Variants in RANBP2 observed in about 807,000 individuals in gnomAD.
RANBP2 encodes E3 SUMO-protein ligase RanBP2.
Under a neutral mutation model 303.6 loss-of-function variants are expected in RANBP2, and 57 were observed. The ratio of observed to expected loss-of-function variants is 0.19; its 90% CI spans 0.15 to 0.23. The LOEUF (loss-of-function observed/expected upper bound fraction) is 0.23, where lower values mean the gene tolerates loss of function less well. Among genes scored for constraint, RANBP2 ranks in the 10% least tolerant of loss-of-function variants. RANBP2 has a pLI of 1.00. For missense variants in RANBP2, 3,138 were observed against 3,780.8 expected, an observed-to-expected ratio of 0.83 and a Z score of 4.46; for synonymous variants, 1,167 against 1,301.5, an observed-to-expected ratio of 0.90 and a Z score of 2.23.
chr2:109,624,135 A>G, the RANBP2 span, among the ~76,000 whole-genome samples: 1 of 152,178 alleles, frequency 6.6e-6, no homozygotes, highest in Non-Finnish European at 1.5e-5. Context: ...ACAAACACCA[A>G]AGTTCAGCCC....
chr2:109,242,065 C>T, the RANBP2 span, among the ~76,000 whole-genome samples: 3 of 151,484 alleles, frequency 2.0e-5, no homozygotes, highest in African/African-American at 4.9e-5. Flanking sequence ...CTGGTGTAGA[C>T]GGGGGTGTCA....
the RANBP2 span, among the ~76,000 whole-genome samples, chr2:109,242,194 C>T: frequency 6.6e-6 from 1 of 152,146 alleles, no homozygotes; most frequent in East Asian, 1.9e-4. Context: ...CTTAGGTGGC[C>T]CCTTTTCCTG....
At chr2:109,674,158 G>T in the RANBP2 span, among the ~76,000 whole-genome samples, 1 of 151,784 alleles carries the variant, frequency 6.6e-6, no homozygotes, top group African/African-American at 2.4e-5. Flanking sequence ...GTTTCTTGAT[G>T]CCAGCTTCTT....
chr2:109,058,046 G>C, the RANBP2 span, among the ~76,000 whole-genome samples: 1 of 152,212 alleles, frequency 6.6e-6, no homozygotes, highest in Non-Finnish European at 1.5e-5. Flanking sequence ...GGTCTCACAG[G>C]AACAGGGGTC....
At position 108,749,016 on chromosome 2, in the gene RANBP2, A is replaced by G. The variant is rs779663612; in HGVS notation, c.1160A>G (p.Asp387Gly). The G allele has an allele frequency of 6.2e-7, 1 of 1,612,002 alleles. No individual in the cohort carries two copies. Among genetic ancestry groups the G allele is most frequent in the Non-Finnish European group, 8.5e-7 (1 of 1,179,860 alleles). ...AAAAGCGGGCAGTCTGCATTATATG[A>G]TGCTCTGTTTTCTAGTCAGTCACCT... The part of the protein sequence containing the change: ...ANKSGQSALY[D>G]ALFSSQSPKD... The change falls in exon 9 of 29, where the codon GAT becomes GGT. Residue 387 changes from aspartate (D) to glycine (G), a missense_variant. Around this residue, in one of 20 missense-constraint regions of RANBP2, gnomAD observed 95 missense variants for 86.4 expected, o/e 1.10. Transcript: ENST00000283195.
chr2:109,293,390 T>C, the RANBP2 span, among the ~76,000 whole-genome samples: 1 of 152,206 alleles, frequency 6.6e-6, no homozygotes, highest in Non-Finnish European at 1.5e-5. Flanking sequence ...TGCAGCCCTG[T>C]TCTCTTGTCT....
chr2:109,229,188 C>A, the RANBP2 span, among the ~76,000 whole-genome samples: 1 of 152,238 alleles, frequency 6.6e-6, no homozygotes, highest in Admixed American at 6.5e-5. Context: ...GGACAAAGAC[C>A]AAATATGTAT....
chr2:109,235,686 A>G, the RANBP2 span, among the ~76,000 whole-genome samples: 1 of 152,206 alleles, frequency 6.6e-6, no homozygotes, highest in Non-Finnish European at 1.5e-5. Flanking sequence ...CGTGTCTACC[A>G]ACATAAAGAT....
chr2:109,605,180 T>C, the RANBP2 span, among the ~76,000 whole-genome samples: 1 of 152,200 alleles, frequency 6.6e-6, no homozygotes, highest in African/African-American at 2.4e-5. Context: ...GCTTAATTCA[T>C]CAAGCCAGTC....
the RANBP2 span, among the ~76,000 whole-genome samples, chr2:109,406,862 C>T: frequency 6.6e-6 from 1 of 151,500 alleles, no homozygotes; most frequent in Non-Finnish European, 1.5e-5. Context: ...GCCAATCTTA[C>T]AGCCCCGCCC....
At chr2:109,346,891 A>G in the RANBP2 span, among the ~76,000 whole-genome samples, 1 of 152,214 alleles carries the variant, frequency 6.6e-6, no homozygotes, top group African/African-American at 2.4e-5. Context: ...ACAGACTGCT[A>G]CAAGTACATG....
At chr2:109,339,758 G>T in the RANBP2 span, among the ~76,000 whole-genome samples, 1 of 152,168 alleles carries the variant, frequency 6.6e-6, no homozygotes, top group African/African-American at 2.4e-5. Context: ...CACAGCATGG[G>T]ATCTCTTCCC....
the RANBP2 span, among the ~76,000 whole-genome samples, chr2:109,491,734 A>G: frequency 1.3e-5 from 2 of 152,188 alleles, no homozygotes; most frequent in Non-Finnish European, 2.9e-5. Flanking sequence ...GGATGGTAGA[A>G]AGATATGATC....
chr2:109,760,602 G>A, the RANBP2 span, among the ~76,000 whole-genome samples: 1 of 143,576 alleles, frequency 7.0e-6, no homozygotes, highest in Non-Finnish European at 1.5e-5. Flanking sequence ...GCGGGCGGCG[G>A]CCGCTCTGGC....
At chr2:108,874,693 A>G in the RANBP2 span, among the ~76,000 whole-genome samples, 5 of 152,146 alleles carry the variant, frequency 3.3e-5, no homozygotes, top group Non-Finnish European at 7.3e-5. Flanking sequence ...TAACATGCCT[A>G]GTAGAGGATT....
the RANBP2 span, among the ~76,000 whole-genome samples, chr2:109,493,325 TACAA>T: frequency 7.5e-6 from 1 of 134,204 alleles, no homozygotes; most frequent in Non-Finnish European, 1.6e-5. Flanking sequence ...ACGTACACCA[TACAA>T]ACACACCCCA....
the RANBP2 span, among the ~76,000 whole-genome samples, chr2:109,598,228 T>C: frequency 1.3e-5 from 2 of 151,856 alleles, no homozygotes; most frequent in Admixed American, 1.3e-4. Flanking sequence ...CCACCACACC[T>C]GGCTAACTTT....
the RANBP2 span, among the ~76,000 whole-genome samples, chr2:109,340,295 G>A: frequency 6.6e-6 from 1 of 152,160 alleles, no homozygotes; most frequent in Admixed American, 6.5e-5. Context: ...GTTGCTGTAA[G>A]GATCCTGTGG....
chr2:108,818,835 A>C, the RANBP2 span, among the ~76,000 whole-genome samples: 1 of 148,516 alleles, frequency 6.7e-6, no homozygotes, highest in Admixed American at 6.7e-5. Context: ...TTTTTTTTGT[A>C]TATTTGATCA....
Sources: allele counts gnomAD v4.1 joint callset (sites outside exome capture counted in the v4.1 genomes callset), GRCh38; gene constraint gnomAD v4.1.1; regional missense constraint gnomAD v4.1.1; transcripts MANE v1.5; gene names NCBI Gene and HGNC (gene_info 2026-07-23, HGNC 2026-07-21).